PDE12: variants seen among roughly 807,000 people sequenced by gnomAD.
The protein encoded by PDE12 is phosphodiesterase 12.
Under a neutral mutation model 45.4 loss-of-function variants are expected in PDE12, and 26 were observed. That is an observed-to-expected ratio of 0.57 (90% confidence interval 0.42 to 0.79). The LOEUF (loss-of-function observed/expected upper bound fraction) is 0.79, where lower values mean the gene tolerates loss of function less well. Ranked by LOEUF, PDE12 falls within the 30% of genes least tolerant of loss-of-function variation. The pLI, the probability that PDE12 is intolerant of heterozygous loss-of-function variation, is 0.00. For synonymous variants in PDE12, 283 were observed against 323.9 expected, an observed-to-expected ratio of 0.87 and a Z score of 1.36; for missense variants, 668 against 790.0, an observed-to-expected ratio of 0.85 and a Z score of 1.85.
At chr3:57,630,787 A>T in the PDE12 span, 1 of 1,614,080 alleles carries the variant, frequency 6.2e-7, no homozygotes, top group East Asian at 2.2e-5. Context: ...TGTTTTCATA[A>T]ATTCTTCTGG....
the PDE12 span, among the ~76,000 whole-genome samples, chr3:57,595,522 CAATT>C: frequency 6.6e-6 from 1 of 152,150 alleles, no homozygotes. Context: ...GACTCATAAA[CAATT>C]GATTCACAAA....
At chr3:57,584,108 T>C in the PDE12 span, 10 of 831,382 alleles carry the variant, frequency 1.2e-5, 1 homozygote, top group South Asian at 1.7e-4. Flanking sequence ...AGTACTTCTT[T>C]TTATTTTTAA....
chr3:57,630,652 C>T, the PDE12 span: 13 of 1,560,602 alleles, frequency 8.3e-6, no homozygotes, highest in Non-Finnish European at 1.0e-5. Flanking sequence ...TTAAGTTTAG[C>T]TTTTTGTTTT....
At chr3:57,590,507 C>T in the PDE12 span, among the ~76,000 whole-genome samples, 1 of 151,936 alleles carries the variant, frequency 6.6e-6, no homozygotes, top group Non-Finnish European at 1.5e-5. Context: ...AAAGTTAGAT[C>T]CAATGATCTC....
the PDE12 span, among the ~76,000 whole-genome samples, chr3:57,584,795 G>A: frequency 2.0e-5 from 3 of 151,068 alleles, no homozygotes; most frequent in Admixed American, 2.0e-4. Flanking sequence ...TAAATAAAGG[G>A]ACTGGATCAG....
the PDE12 span, among the ~76,000 whole-genome samples, chr3:57,642,716 A>C: frequency 6.6e-6 from 1 of 152,042 alleles, no homozygotes; most frequent in Non-Finnish European, 1.5e-5. Flanking sequence ...TATTAGAAAG[A>C]TCAATCGGCC....
chr3:57,642,661 AC>A, the PDE12 span, among the ~76,000 whole-genome samples: 1 of 152,132 alleles, frequency 6.6e-6, no homozygotes, highest in African/African-American at 2.4e-5. Context: ...AAGGGAAACT[AC>A]CAGATAACCA....
chr3:57,655,707 C>T, the PDE12 span, among the ~76,000 whole-genome samples: 26 of 152,122 alleles, frequency 1.7e-4, no homozygotes, highest in Admixed American at 1.7e-3. Flanking sequence ...TTGGGCCCAT[C>T]CCCAAGATAT....
the PDE12 span, chr3:57,597,411 C>A: frequency 3.1e-6 from 1 of 320,064 alleles, no homozygotes; most frequent in East Asian, 6.4e-5. Flanking sequence ...GCCGCGGCGA[C>A]TCCAGCAGCG....
the PDE12 span, among the ~76,000 whole-genome samples, chr3:57,594,210 G>A: frequency 5.9e-5 from 9 of 152,288 alleles, no homozygotes; most frequent in South Asian, 2.1e-4. Context: ...GGAGACAAGA[G>A]TGAAACTCCA....
chr3:57,650,067 T>C, the PDE12 span, among the ~76,000 whole-genome samples: 413 of 152,060 alleles, frequency 2.7e-3, 1 homozygote, highest in African/African-American at 9.6e-3. Flanking sequence ...ATGTTCTCAC[T>C]CATAAGTGGG....
Position 57,560,105 on chromosome 3 carries a change from TA to T in PDE12, c.*105del. The T allele has an allele frequency of 6.8e-7, 1 of 1,477,194 alleles. No individual in the cohort carries two copies. Among genetic ancestry groups the T allele is most frequent in the Non-Finnish European group, 8.9e-7 (1 of 1,121,942 alleles). 91.5% of individuals were successfully genotyped at this position (1,477,194 alleles called of 1,614,324 possible). On this transcript the variant is annotated 3_prime_UTR_variant, in exon 3 of 3. Coordinates refer to ENST00000311180, the MANE Select transcript of PDE12 (RefSeq NM_177966.7). ...ATATGTAAACTTCAAGGAGGAATGGTAAAATGTTCAGCCCTCCTAGTTATGT... is the reference window on the plus strand; with the variant it reads ...ATATGTAAACTTCAAGGAGGAATGGTAAATGTTCAGCCCTCCTAGTTATGT...
At chr3:57,578,336 C>T in the PDE12 span, among the ~76,000 whole-genome samples, 4 of 151,430 alleles carry the variant, frequency 2.6e-5, no homozygotes, top group Non-Finnish European at 5.9e-5. Context: ...AGGAGGATCA[C>T]TGGAGCCCAG....
chr3:57,556,300 C>T lies in PDE12; in HGVS notation c.-80C>T, dbSNP rs190633425. On this transcript the variant is annotated 5_prime_UTR_variant, in exon 1 of 3. Transcript: ENST00000311180. This position sits in a 1 kb window ranked among gnomAD's most constrained non-coding sequence, Gnocchi z 5.0. Reference sequence around the variant, plus strand: ...CGAGATCTGAATGAGTCAAAGCCGGCGGCCTCGGCTCCTCAGCTCCACCTG... The same window carrying T: ...CGAGATCTGAATGAGTCAAAGCCGGTGGCCTCGGCTCCTCAGCTCCACCTG... The T allele has an allele frequency of 7.2e-3, 10,004 of 1,390,776 alleles. 48 individuals are homozygous for T. Among genetic ancestry groups the T allele is most frequent in the Non-Finnish European group, 8.4e-3 (8,799 of 1,047,600 alleles). The allele number at this position is 1,390,776 out of a possible 1,614,324, so 86.2% of individuals were successfully genotyped here.
chr3:57,619,467 A>C, the PDE12 span: 1 of 152,280 alleles, frequency 6.6e-6, no homozygotes, highest in South Asian at 2.1e-4. Context: ...AAAGGAGAGA[A>C]GGTTAGCACT....
chr3:57,631,178 C>A, the PDE12 span: 1 of 557,040 alleles, frequency 1.8e-6, no homozygotes, highest in Non-Finnish European at 3.2e-6. Flanking sequence ...TCAACTAAAT[C>A]TTAGATAAAC....
In PDE12 at chr3:57,561,742, A is replaced by T; in HGVS notation, c.*1738A>T. The T allele has an allele frequency of 1.0e-6, 1 of 984,946 alleles. No individual in the cohort carries two copies. Among genetic ancestry groups the T allele is most frequent in the Non-Finnish European group, 1.2e-6 (1 of 829,518 alleles). The allele number at this position is 984,946 out of a possible 1,614,324, so 61.0% of individuals were successfully genotyped here. A position where few individuals can be genotyped will look rare whatever the true frequency, so the allele number is the denominator to read the frequency against. ...TTCTTTAATCTCTGAACCTAGTATC[A>T]TAAGAATTTCCTCTTTTGATAACAT... On this transcript the variant is annotated 3_prime_UTR_variant, in exon 3 of 3. Transcript: ENST00000311180.
At chr3:57,589,963 C>A in the PDE12 span, among the ~76,000 whole-genome samples, 1 of 148,760 alleles carries the variant, frequency 6.7e-6, no homozygotes, top group Non-Finnish European at 1.5e-5. Context: ...TGGTGGCGGG[C>A]GCCTGTAATC....
Position 57,560,141 on chromosome 3 carries a change from C to G in PDE12, c.*137C>G. ...GCCCTCCTAGTTATGTTCCTGATGTCTTCGTTATGAAACTGTTGATGTTTG... is the reference window on the plus strand; with the variant it reads ...GCCCTCCTAGTTATGTTCCTGATGTGTTCGTTATGAAACTGTTGATGTTTG... On this transcript the variant is annotated 3_prime_UTR_variant, in exon 3 of 3. Transcript: ENST00000311180. 8 of 1,424,444 alleles carry G rather than the reference C, an allele frequency of 5.6e-6. No individual in the cohort carries two copies. Among genetic ancestry groups the G allele is most frequent in the Non-Finnish European group, 6.4e-6 (7 of 1,095,144 alleles). 88.2% of individuals were successfully genotyped at this position (1,424,444 alleles called of 1,614,324 possible).
Sources: allele counts gnomAD v4.1 joint callset (sites outside exome capture counted in the v4.1 genomes callset), GRCh38; gene constraint gnomAD v4.1.1; non-coding constraint Gnocchi (gnomAD v3.1); transcripts MANE v1.5; gene names NCBI Gene and HGNC (gene_info 2026-07-23, HGNC 2026-07-21).